ENPEP: variants seen among roughly 807,000 people sequenced by gnomAD.
ENPEP encodes the protein AP-A.
ENPEP carries 103 observed loss-of-function variants against 114.5 expected under a neutral mutation model. The ratio of observed to expected loss-of-function variants is 0.90; its 90% CI spans 0.77 to 1.06. The LOEUF (loss-of-function observed/expected upper bound fraction) is 1.06, where lower values mean the gene tolerates loss of function less well. Ranked by LOEUF, ENPEP falls within the 50% of genes least tolerant of loss-of-function variation. The pLI is 0.00. For missense variants in ENPEP, 1,196 were observed against 1,161.3 expected (o/e 1.03, Z -0.43); for synonymous variants, 420 against 422.0 (o/e 1.00, Z 0.06).
intron 2 of ENPEP, among the ~76,000 whole-genome samples, chr4:110,489,525 T>G (rs1724624870): frequency 6.6e-6 from 1 of 151,964 alleles, no homozygotes; most frequent in African/African-American, 2.4e-5. Context: ...ACCTGCACAT[T>G]CTGCACATGT....
intron 13 of ENPEP, 53 bp downstream of exon 13, chr4:110,543,123 A>C: frequency 6.7e-7 from 1 of 1,502,776 alleles, no homozygotes; most frequent in East Asian, 2.3e-5. Context: ...TTTTCTCATA[A>C]ATCTTTTAAA....
intron 17 of ENPEP, among the ~76,000 whole-genome samples, chr4:110,552,678 T>C (rs1727335784): frequency 6.6e-6 from 1 of 152,122 alleles, no homozygotes; most frequent in African/African-American, 2.4e-5. Context: ...TTCAATACAA[T>C]ATACACTTGT....
Position 110,563,944 on chromosome 4 carries a change from T to C in ENPEP, c.*2386T>C, listed in dbSNP as rs1455565732. ...CTTACCCTCCAAGTTGGTGAAGTGT[T>C]AGTCCAAAAGTAGAAACAACAGAGT... On this transcript the variant is annotated 3_prime_UTR_variant, in exon 20 of 20. Coordinates refer to ENST00000265162, the MANE Select transcript of ENPEP (RefSeq NM_001977.4). 1 of 152,138 alleles carries C rather than the reference T, an allele frequency of 6.6e-6. No homozygotes were observed. The highest frequency in any genetic ancestry group is 1.5e-5 in the Non-Finnish European group (1 of 68,020). 9.4% of individuals were successfully genotyped at this position (152,138 alleles called of 1,614,324 possible). A position where few individuals can be genotyped will look rare whatever the true frequency, so the allele number is the denominator to read the frequency against.
At chr4:110,543,097 C>G (rs777052004) in intron 13 of ENPEP, 27 bp downstream of exon 13, 1 of 1,587,220 alleles carries the variant, frequency 6.3e-7, no homozygotes, top group Non-Finnish European at 8.6e-7. Flanking sequence ...GACTAAATTA[C>G]TTAAAATACT....
At chr4:110,528,121 G>A (rs1726266815) in intron 10 of ENPEP, among the ~76,000 whole-genome samples, 1 of 151,948 alleles carries the variant, frequency 6.6e-6, no homozygotes, top group Non-Finnish European at 1.5e-5. Context: ...TCCACCTTCA[G>A]ATACTATTTT....
At chr4:110,539,032 C>A (rs1434549890) in intron 11 of ENPEP, among the ~76,000 whole-genome samples, 2 of 152,146 alleles carry the variant, frequency 1.3e-5, no homozygotes, top group East Asian at 1.9e-4. Flanking sequence ...AATCAAAAAT[C>A]TCTGATCACA....
intron 11 of ENPEP, among the ~76,000 whole-genome samples, chr4:110,542,257 C>T (rs1405684130): frequency 6.6e-6 from 1 of 152,050 alleles, no homozygotes; most frequent in Non-Finnish European, 1.5e-5. Context: ...TTAGTGATAG[C>T]CATTTCCATC....
intron 1 of ENPEP, among the ~76,000 whole-genome samples, chr4:110,480,714 T>C (rs1724281861): frequency 6.6e-6 from 1 of 152,172 alleles, no homozygotes; most frequent in Non-Finnish European, 1.5e-5. Context: ...TTGCTTTCTC[T>C]CAAGATTGAG....
In ENPEP at chr4:110,491,080, G is replaced by A. The variant is rs1475967488; in HGVS notation, c.834G>A (p.Lys278=). The part of the protein sequence containing the change: ...DDKWTRTTFE[K]SVPMSTYLVC... The stretch of plus-strand genomic sequence containing the variant: ...AATGGACTCGAACAACTTTTGAGAA[G>A]TCTGTCCCCATGAGCACGTACCTGG... Residue 278 remains lysine (K), a synonymous_variant, in exon 3 of 20, where the codon AAG becomes AAA. Coordinates refer to ENST00000265162, the MANE Select transcript of ENPEP (RefSeq NM_001977.4). 1.9e-6 allele frequency: 3 copies of A among 1,612,728 alleles called. No homozygotes were observed. Among genetic ancestry groups the A allele is most frequent in the South Asian group, 1.1e-5 (1 of 90,828 alleles).
At position 110,510,273 on chromosome 4, in the gene ENPEP, G is replaced by T; in HGVS notation, c.1223G>T (p.Trp408Leu). The part of the protein sequence containing the change: ...QWFGNIVTMD[W>L]WEDLWLNEGF... ...TTTGGAAATATTGTGACCATGGACT[G>T]GTGGGAAGACTTGTGGCTAAATGAA... The change falls in exon 6 of 20, where the codon TGG becomes TTG. Residue 408 changes from tryptophan to leucine, a missense_variant. By Grantham distance (61) the Trp-to-Leu change is moderately conservative. Transcript: ENST00000265162. 7 of 1,614,122 alleles carry T rather than the reference G, an allele frequency of 4.3e-6. No individual in the cohort carries two copies. The highest frequency in any genetic ancestry group is 1.1e-5 in the South Asian group (1 of 91,068).
rs1725529985 is a variant in ENPEP at position 110,510,370 on chromosome 4, A to G, written c.1308+12A>G. ...CAGACTGGCAAATGGTGAGTCCTAA[A>G]CACATAAACTTGAAATCTCTCTTTT... On this transcript the variant is annotated intron_variant, in intron 6 of 19. Transcript: ENST00000265162. The G allele has an allele frequency of 6.3e-7, 1 of 1,595,272 alleles. No individual in the cohort carries two copies. The highest frequency in any genetic ancestry group is 1.3e-5 in the African/African-American group (1 of 74,456).
At chr4:110,506,812 A>T in intron 4 of ENPEP, 55 bp downstream of exon 4, 1 of 1,319,390 alleles carries the variant, frequency 7.6e-7, no homozygotes, top group Admixed American at 2.4e-5. Flanking sequence ...TTTTTATCTA[A>T]GTTAACTCAT....
chr4:110,526,163 C>A (rs1726188527), intron 10 of ENPEP, among the ~76,000 whole-genome samples: 1 of 152,054 alleles, frequency 6.6e-6, no homozygotes, highest in South Asian at 2.1e-4. Context: ...GTAATCCCAG[C>A]TACTCGGGAG....
chr4:110,542,659 C>A, intron 11 of ENPEP, 92 bp from the exon 12 acceptor site: 1 of 1,275,766 alleles, frequency 7.8e-7, no homozygotes, highest in Non-Finnish European at 1.1e-6. Flanking sequence ...TATTTCTTTT[C>A]TTTTATTTTC....
rs576310683 is a variant in ENPEP at position 110,562,196 on chromosome 4, A to G, written c.*638A>G. 29 of 152,314 alleles carry G rather than the reference A, an allele frequency of 1.9e-4. No individual in the cohort carries two copies. The highest frequency in any genetic ancestry group is 7.0e-4 in the African/African-American group (29 of 41,574). 9.4% of individuals were successfully genotyped at this position (152,314 alleles called of 1,614,324 possible). On this transcript the variant is annotated 3_prime_UTR_variant, in exon 20 of 20. Coordinates refer to ENST00000265162, the MANE Select transcript of ENPEP (RefSeq NM_001977.4). ...CCTCTTTTTTTAAAAATAAATCTAAATGATTATCTTGAAAAAGTATTGTTT... is the reference window on the plus strand; with the variant it reads ...CCTCTTTTTTTAAAAATAAATCTAAGTGATTATCTTGAAAAAGTATTGTTT...
At chr4:110,541,851 G>C (rs1212529446) in intron 11 of ENPEP, among the ~76,000 whole-genome samples, 1 of 152,076 alleles carries the variant, frequency 6.6e-6, no homozygotes, top group East Asian at 1.9e-4. Flanking sequence ...AAACAAAAGA[G>C]TGTATGATGT....
chr4:110,557,148 T>C lies in ENPEP; in HGVS notation c.2643-2499T>C, dbSNP rs1727505953. 1.3e-5 allele frequency among the ~76,000 whole-genome samples: 2 copies of C among 152,208 alleles called. 1 individual carries two copies. Among genetic ancestry groups the C allele is most frequent in the Middle Eastern group, 6.8e-3 (2 of 294 alleles). ...TTAAGTGATAGAGGGGTGGGAATAGTCAAAGGGCCAGAAGTCCAGGTAAAG... is the reference window on the plus strand; with the variant it reads ...TTAAGTGATAGAGGGGTGGGAATAGCCAAAGGGCCAGAAGTCCAGGTAAAG... On this transcript the variant is annotated intron_variant, in intron 18 of 19. Coordinates refer to ENST00000265162, the MANE Select transcript of ENPEP (RefSeq NM_001977.4).
At chr4:110,532,892 G>A (rs1726460614) in intron 11 of ENPEP, among the ~76,000 whole-genome samples, 1 of 151,824 alleles carries the variant, frequency 6.6e-6, no homozygotes, top group Non-Finnish European at 1.5e-5. Context: ...ATCTTTTGTG[G>A]TCTTCTGACC....
chr4:110,484,210 A>G (rs1398149486), intron 1 of ENPEP, among the ~76,000 whole-genome samples: 1 of 152,134 alleles, frequency 6.6e-6, no homozygotes, highest in Non-Finnish European at 1.5e-5. Flanking sequence ...ATGTATTACT[A>G]CATGTAATCT....
Sources: allele counts gnomAD v4.1 joint callset (sites outside exome capture counted in the v4.1 genomes callset), GRCh38; gene constraint gnomAD v4.1.1; transcripts MANE v1.5; gene names NCBI Gene and HGNC (gene_info 2026-07-23, HGNC 2026-07-21).